SLC22A9: variants seen among roughly 807,000 people sequenced by gnomAD.
SLC22A9 encodes organic anion transporter 7.
In SLC22A9, 64 loss-of-function variants were observed where a neutral mutation model predicts 50.1. That is an observed-to-expected ratio of 1.28 (90% CI 1.04 to 1.57). The LOEUF is 1.57. Ranked by LOEUF, SLC22A9 falls within the 40% of genes most tolerant of loss-of-function variation. The pLI is 0.00. For synonymous variants in SLC22A9, 261 were observed against 242.5 expected, an observed-to-expected ratio of 1.08 and a Z score of -0.71; for missense variants, 757 against 676.1, an observed-to-expected ratio of 1.12 and a Z score of -1.33.
Position 63,393,842 on chromosome 11 carries a change from C to T in SLC22A9, c.1073+11565C>T, listed in dbSNP as rs558381613. Among the ~76,000 whole-genome samples the T allele has an allele frequency of 2.0e-5, 3 of 152,180 alleles. No individual in the cohort carries two copies. In the East Asian group the frequency reaches 5.8e-4, roughly 29 times the overall value. On this transcript the variant is annotated intron_variant, in intron 6 of 9. Coordinates refer to ENST00000279178, the MANE Select transcript of SLC22A9 (RefSeq NM_080866.3). ...GTAGTTCCTGAATTTGAATGTTGGC[C>T]TGTCTTGTTAGATTGGGGAAGTTCT...
At chr11:63,378,117 A>G (rs1372786422) in intron 5 of SLC22A9, among the ~76,000 whole-genome samples, 8 of 152,008 alleles carry the variant, frequency 5.3e-5, no homozygotes, top group Non-Finnish European at 1.5e-5. Flanking sequence ...TCTACCAGAC[A>G]TGTAAAGAAG....
intron 7 of SLC22A9, among the ~76,000 whole-genome samples, 194 bp from the exon 8 acceptor site, chr11:63,407,914 ATTAT>A (rs1332314231): frequency 1.3e-5 from 2 of 152,200 alleles, no homozygotes; most frequent in Admixed American, 1.3e-4. Flanking sequence ...CTTTTTATGC[ATTAT>A]TTAAGCCACA....
rs551925606 is a variant in SLC22A9 at position 63,408,586 on chromosome 11, G to A, written c.1398-90G>A. 154 of 1,162,296 alleles carry A rather than the reference G, an allele frequency of 1.3e-4. 1 individual carries two copies. Among genetic ancestry groups the A allele is most frequent in the Middle Eastern group, 4.1e-4 (2 of 4,864 alleles). The allele number at this position is 1,162,296 out of a possible 1,614,324, so 72.0% of individuals were successfully genotyped here. A position where few individuals can be genotyped will look rare whatever the true frequency, so the allele number is the denominator to read the frequency against. On this transcript the variant is annotated intron_variant, in intron 8 of 9. Coordinates refer to ENST00000279178, the MANE Select transcript of SLC22A9 (RefSeq NM_080866.3). ...TTTCATCACCTCTGTGTGTCTAAAT[G>A]TTCCCCCATAATTAGAGCAAAATGA...
At chr11:63,373,575 C>A in intron 2 of SLC22A9, 69 bp from the exon 3 acceptor site, 1 of 1,413,784 alleles carries the variant, frequency 7.1e-7, no homozygotes, top group Non-Finnish European at 9.3e-7. Flanking sequence ...TCAAAGTGTG[C>A]CTTCTCTTTG....
At chr11:63,399,465 T>C (rs1002700123) in intron 6 of SLC22A9, among the ~76,000 whole-genome samples, 1 of 152,172 alleles carries the variant, frequency 6.6e-6, no homozygotes, top group African/African-American at 2.4e-5. Flanking sequence ...GAGATCATTA[T>C]ATAATGATAA....
chr11:63,410,268 G>GGAAAGAAAGAAAGAAA lies in SLC22A9; in HGVS notation c.*407_*422dup. On this transcript the variant is annotated 3_prime_UTR_variant, in exon 10 of 10. Coordinates refer to ENST00000279178, the MANE Select transcript of SLC22A9 (RefSeq NM_080866.3). Reference sequence around the variant, plus strand: ...AAAAAAAAAAAAAAAAAAGAAAGAAGGAAAGAAAGAAAGAAAAGAAAAGAA... The same window carrying GGAAAGAAAGAAAGAAA: ...AAAAAAAAAAAAAAAAAAGAAAGAAGGAAAGAAAGAAAGAAAGAAAGAAAGAAAGAAAAGAAAAGAA... The GGAAAGAAAGAAAGAAA allele has an allele frequency of 7.7e-6, 1 of 130,290 alleles. No homozygotes were observed. Among genetic ancestry groups the GGAAAGAAAGAAAGAAA allele is most frequent in the Non-Finnish European group, 1.6e-5 (1 of 64,200 alleles). 8.1% of individuals were successfully genotyped at this position (130,290 alleles called of 1,614,324 possible).
At chr11:63,392,318 A>G (rs978041850) in intron 6 of SLC22A9, among the ~76,000 whole-genome samples, 2 of 152,152 alleles carry the variant, frequency 1.3e-5, no homozygotes, top group Admixed American at 6.5e-5. Flanking sequence ...AGTTTTGTAC[A>G]TTCAGATGAT....
chr11:63,384,033 G>A lies in SLC22A9; in HGVS notation c.1073+1756G>A, dbSNP rs182803112. On this transcript the variant is annotated intron_variant, in intron 6 of 9. Coordinates refer to ENST00000279178, the MANE Select transcript of SLC22A9 (RefSeq NM_080866.3). ...CACTGCACTCCAGCCTGGTGACAGA[G>A]CGAGACTCCATCTAAGAAAAAAAAA... is the stretch of plus-strand genomic sequence containing the variant. Among the ~76,000 whole-genome samples, 4 of 140,816 alleles carry A rather than the reference G, an allele frequency of 2.8e-5. No homozygotes were observed. In the East Asian group the frequency reaches 8.2e-4, roughly 29 times the overall value. The allele number at this position is 140,816 out of a possible 152,430, so 92.4% of individuals were successfully genotyped here. A position where few individuals can be genotyped will look rare whatever the true frequency, so the allele number is the denominator to read the frequency against.
chr11:63,403,821 A>AATC (rs1565189843), intron 6 of SLC22A9, among the ~76,000 whole-genome samples: 33 of 151,424 alleles, frequency 2.2e-4, no homozygotes, highest in East Asian at 1.4e-3. Context: ...ATAAATAAAT[A>AATC]AATCAATCAA....
intron 6 of SLC22A9, among the ~76,000 whole-genome samples, chr11:63,392,643 A>G (rs1414469721): frequency 6.6e-6 from 1 of 152,066 alleles, no homozygotes; most frequent in East Asian, 1.9e-4. Context: ...TTCTGCTTTT[A>G]GAATTTTTTC....
At chr11:63,392,438 G>A (rs1336203699) in intron 6 of SLC22A9, among the ~76,000 whole-genome samples, 2 of 151,958 alleles carry the variant, frequency 1.3e-5, no homozygotes, top group East Asian at 3.9e-4. Context: ...GTTTTTCTAG[G>A]AAAGTCTTTA....
chr11:63,405,668 T>G (rs771679743), intron 6 of SLC22A9, among the ~76,000 whole-genome samples: 11 of 152,180 alleles, frequency 7.2e-5, no homozygotes, highest in Non-Finnish European at 1.6e-4. Flanking sequence ...CATTTCTGAT[T>G]GTAATGGAGG....
chr11:63,375,243 G>A (rs2014439996), intron 4 of SLC22A9, among the ~76,000 whole-genome samples: 1 of 152,150 alleles, frequency 6.6e-6, no homozygotes, highest in Admixed American at 6.6e-5. Flanking sequence ...GTTGTATGAG[G>A]CCTTAAGCAT....
chr11:63,370,741 A>T (rs903367263), intron 1 of SLC22A9, among the ~76,000 whole-genome samples: 4 of 152,186 alleles, frequency 2.6e-5, no homozygotes, highest in Admixed American at 6.5e-5. Flanking sequence ...TAGGTCAGTG[A>T]TGCTCAGCCT....
At chr11:63,408,054 G>C (rs2015070240) in intron 7 of SLC22A9, 58 bp from the exon 8 acceptor site, 1 of 1,386,992 alleles carries the variant, frequency 7.2e-7, no homozygotes, top group African/African-American at 1.4e-5. Context: ...TTCTACCTTG[G>C]GGATGCTGAT....
rs577559288 is a variant in SLC22A9, at chr11:63,403,808, AAAAT to A, written c.1074-2676_1074-2673del. Among the ~76,000 whole-genome samples the A allele has an allele frequency of 1.1e-3, 171 of 152,092 alleles. 1 individual carries two copies. Among genetic ancestry groups the A allele is most frequent in the African/African-American group, 3.4e-3 (141 of 41,492 alleles). ...ATACCTATTAGGATTATCATTATCA[AAAAT>A]AAATAAATAAATCAATCAATCAATC... On this transcript the variant is annotated intron_variant, in intron 6 of 9. Transcript: ENST00000279178.
chr11:63,372,682 TTTTG>T (rs928026684), intron 2 of SLC22A9, among the ~76,000 whole-genome samples: 3 of 152,170 alleles, frequency 2.0e-5, no homozygotes, highest in Non-Finnish European at 4.4e-5. Context: ...TAAGGTAGAC[TTTTG>T]TTTAATTTCC....
chr11:63,373,002 A>G (rs539769951), intron 2 of SLC22A9, among the ~76,000 whole-genome samples: 1 of 152,272 alleles, frequency 6.6e-6, no homozygotes, highest in Non-Finnish European at 1.5e-5. Context: ...ATACAATGCC[A>G]ATGACATTGG....
intron 5 of SLC22A9, among the ~76,000 whole-genome samples, chr11:63,377,685 AAAG>A (rs535497366): frequency 8.4e-4 from 128 of 152,240 alleles, no homozygotes; most frequent in Non-Finnish European, 1.1e-3. Context: ...AGCTAGCAGA[AAAG>A]AAGAAGTAAC....
Sources: gnomAD v4.1 joint callset for allele counts (sites outside exome capture counted in the v4.1 genomes callset) on GRCh38, gnomAD v4.1.1 for gene constraint, MANE v1.5 for transcripts, NCBI Gene and HGNC (gene_info 2026-07-23, HGNC 2026-07-21) for gene names.